Variants in MRPS28 observed in about 807,000 individuals in gnomAD.
MRPS28 encodes the protein small ribosomal subunit protein bS1m.
In MRPS28, 7 loss-of-function variants were observed where a neutral mutation model predicts 10.8. That is an observed-to-expected ratio of 0.65 (90% CI 0.37 to 1.22). MRPS28 has a LOEUF of 1.22. Among genes scored for constraint, MRPS28 ranks in the 50% most tolerant of loss-of-function variants. The pLI, the probability that MRPS28 is intolerant of heterozygous loss-of-function variation, is 0.02. For missense variants in MRPS28, 265 were observed against 232.9 expected (o/e 1.14, Z -0.90); for synonymous variants, 121 against 93.3 (o/e 1.30, Z -1.71).
chr8:79,981,839 C>T (rs191163436), intron 2 of MRPS28, among the ~76,000 whole-genome samples: 4 of 152,332 alleles, frequency 2.6e-5, no homozygotes, highest in Admixed American at 1.3e-4. Context: ...ATAAAATCCA[C>T]ATGAACATTA....
At chr8:79,937,435 T>A (rs1806631395) in intron 2 of MRPS28, among the ~76,000 whole-genome samples, 1 of 152,226 alleles carries the variant, frequency 6.6e-6, no homozygotes, top group Admixed American at 6.5e-5. Context: ...TAAGTTGTAG[T>A]AGGCAACCAC....
rs1489020572 is a variant in MRPS28, at chr8:79,998,066, AAAG to A, written c.395+4930_395+4932del. Among the ~76,000 whole-genome samples the A allele has an allele frequency of 1.2e-3, 182 of 151,300 alleles. 1 individual carries two copies. The highest frequency in any genetic ancestry group is 2.1e-3 in the Non-Finnish European group (142 of 67,818). On this transcript the variant is annotated intron_variant, in intron 2 of 2. Transcript: ENST00000276585. ...CAAGACTCTGTCTCAAAAAAAAAAA[AAAG>A]AAAGAAAGAAAGAAAGAAACAAGCA...
At chr8:79,952,630 C>T (rs906334879) in intron 2 of MRPS28, among the ~76,000 whole-genome samples, 1 of 152,132 alleles carries the variant, frequency 6.6e-6, no homozygotes, top group African/African-American at 2.4e-5. Context: ...CTACCTACCC[C>T]CCTACATCAG....
rs748566455 is a variant in MRPS28, at chr8:80,030,171, A to G, written c.78T>C (p.Phe26=). The change falls in exon 1 of 3, where the codon TTT becomes TTC. Residue 26 remains phenylalanine (F), a synonymous_variant. Coordinates refer to ENST00000276585, the MANE Select transcript of MRPS28 (RefSeq NM_014018.3). The part of the protein sequence containing the change: ...FLRVFLFFRP[F]RGVGTESGSE... ...ATCCACTCTCAGTGCCTACACCCCG[A>G]AAGGGCCTGAAGAAGAGAAACACTC... is the stretch of plus-strand genomic sequence containing the variant. 34 of 1,614,080 alleles carry G rather than the reference A, an allele frequency of 2.1e-5. No homozygotes were observed. The Admixed American group carries it at 2.8e-4, about 13-fold the overall frequency.
At chr8:79,971,405 T>C (rs1807629468) in intron 2 of MRPS28, among the ~76,000 whole-genome samples, 1 of 152,198 alleles carries the variant, frequency 6.6e-6, no homozygotes, top group Non-Finnish European at 1.5e-5. Context: ...GCTTTTGGTA[T>C]AGTCACTAAA....
At chr8:79,922,525 C>T (rs958342657) in intron 2 of MRPS28, among the ~76,000 whole-genome samples, 7 of 151,982 alleles carry the variant, frequency 4.6e-5, no homozygotes, top group African/African-American at 7.2e-5. Flanking sequence ...TAAATTAGCT[C>T]GATTTGGCTA....
At chr8:79,926,677 G>C (rs1810242191) in intron 2 of MRPS28, among the ~76,000 whole-genome samples, 1 of 152,196 alleles carries the variant, frequency 6.6e-6, no homozygotes, top group African/African-American at 2.4e-5. Flanking sequence ...GGCATTCTTT[G>C]AGTTTGGGGA....
intron 1 of MRPS28, 107 bp from the exon 2 acceptor site, chr8:80,003,287 T>C (rs1385368097): frequency 1.8e-5 from 16 of 880,282 alleles, no homozygotes; most frequent in Non-Finnish European, 2.6e-5. Flanking sequence ...AATTTTAAAA[T>C]ATATGTGGAA....
At chr8:79,946,769 A>C (rs886187288) in intron 2 of MRPS28, among the ~76,000 whole-genome samples, 1 of 152,292 alleles carries the variant, frequency 6.6e-6, no homozygotes, top group African/African-American at 2.4e-5. Flanking sequence ...CATTAATTCT[A>C]GGTTTGCAAA....
At chr8:79,985,440 G>A (rs1808125724) in intron 2 of MRPS28, among the ~76,000 whole-genome samples, 1 of 152,038 alleles carries the variant, frequency 6.6e-6, no homozygotes, top group Non-Finnish European at 1.5e-5. Flanking sequence ...CAGAACTGAA[G>A]GAAATAGAGA....
At chr8:79,945,771 G>A (rs550890946) in intron 2 of MRPS28, among the ~76,000 whole-genome samples, 1 of 152,262 alleles carries the variant, frequency 6.6e-6, no homozygotes, top group African/African-American at 2.4e-5. Context: ...AAAACTGTAT[G>A]AGAAAATGTA....
chr8:79,961,111 C>T (rs985065960), intron 2 of MRPS28, among the ~76,000 whole-genome samples: 1 of 152,048 alleles, frequency 6.6e-6, no homozygotes, highest in Non-Finnish European at 1.5e-5. Context: ...GTTAATTCTA[C>T]TCTAATGAGA....
chr8:80,004,488 G>A (rs1325996354), intron 1 of MRPS28, among the ~76,000 whole-genome samples: 1 of 152,124 alleles, frequency 6.6e-6, no homozygotes, highest in Non-Finnish European at 1.5e-5. Flanking sequence ...CCATCTGTAC[G>A]TCACCATCAT....
intron 2 of MRPS28, among the ~76,000 whole-genome samples, chr8:79,932,999 T>C (rs1806505086): frequency 2.6e-5 from 4 of 152,232 alleles, no homozygotes. Context: ...GATTGTATTC[T>C]TATGAAGGCA....
chr8:79,976,574 C>A (rs1156447279), intron 2 of MRPS28, among the ~76,000 whole-genome samples: 1 of 151,994 alleles, frequency 6.6e-6, no homozygotes, highest in African/African-American at 2.4e-5. Flanking sequence ...GGCATGGTGT[C>A]ATGCACCTGT....
At chr8:79,941,073 G>A (rs545775902) in intron 2 of MRPS28, among the ~76,000 whole-genome samples, 7 of 152,160 alleles carry the variant, frequency 4.6e-5, no homozygotes, top group Admixed American at 4.6e-4. Context: ...ATCACTTGAG[G>A]CCAGGAGTTT....
intron 2 of MRPS28, among the ~76,000 whole-genome samples, chr8:79,989,412 A>C (rs957518344): frequency 6.6e-6 from 1 of 152,190 alleles, no homozygotes; most frequent in African/African-American, 2.4e-5. Flanking sequence ...AGGACATAGA[A>C]GCAAAGAACA....
At chr8:79,934,253 A>T (rs2129907900) in intron 2 of MRPS28, among the ~76,000 whole-genome samples, 1 of 152,172 alleles carries the variant, frequency 6.6e-6, no homozygotes, top group East Asian at 1.9e-4. Context: ...GGTTGACTAG[A>T]TGTCTATGGT....
At chr8:79,936,681 A>C (rs752756362) in intron 2 of MRPS28, among the ~76,000 whole-genome samples, 2 of 152,230 alleles carry the variant, frequency 1.3e-5, no homozygotes, top group African/African-American at 4.8e-5. Flanking sequence ...ATGTAACAAA[A>C]TGTTCACTAT....
Sources: gnomAD v4.1 joint callset for allele counts (sites outside exome capture counted in the v4.1 genomes callset) on GRCh38, gnomAD v4.1.1 for gene constraint, MANE v1.5 for transcripts, NCBI Gene and HGNC (gene_info 2026-07-23, HGNC 2026-07-21) for gene names.